BRD4: variants seen among roughly 807,000 people sequenced by gnomAD.
BRD4 encodes the protein bromodomain containing 4, also known as bromodomain-containing protein 4.
BRD4 carries 16 observed loss-of-function variants against 142.1 expected under a neutral mutation model. The observed-to-expected ratio is 0.11, with a 90% CI of 0.08 to 0.17. The LOEUF is 0.17. BRD4 is among the 10% of genes least tolerant of loss of function. BRD4 has a pLI of 1.00. For synonymous variants in BRD4, 833 were observed against 707.5 expected, an observed-to-expected ratio of 1.18 and a Z score of -2.82; for missense variants, 1,424 against 1,810.9, an observed-to-expected ratio of 0.79 and a Z score of 3.88.
At chr19:15,323,306 G>C (rs530623062) in intron 1 of BRD4, among the ~76,000 whole-genome samples, 19 of 151,728 alleles carry the variant, frequency 1.3e-4, no homozygotes, top group African/African-American at 4.4e-4. Flanking sequence ...GAGTGGTTAG[G>C]CAACGGGTCC....
At position 15,238,845 on chromosome 19, in the gene BRD4, G is replaced by A. The variant is rs375123750; in HGVS notation, c.3918C>T (p.Ala1306=). ...AGCTCTGGGCCTGTGGGGTGGCGGC[G>A]GCAGCCACCGCAGCTGCTTGCTGTT... ...QQQQQAAAVA[A]AATPQAQSSQ... is the part of the protein sequence containing the mutation. Residue 1306 remains alanine (A), a synonymous_variant, in exon 19 of 20, where the codon GCC becomes GCT. Transcript: ENST00000679869. The surrounding 1 kb of genome is among the most constrained non-coding windows in gnomAD (Gnocchi z 7.2). 29 of 1,601,978 alleles carry A rather than the reference G, an allele frequency of 1.8e-5. No individual in the cohort carries two copies. The highest frequency in any genetic ancestry group is 4.0e-5 in the African/African-American group (3 of 74,734).
At chr19:15,258,605 C>CT (rs1048918462) in intron 7 of BRD4, among the ~76,000 whole-genome samples, 13 of 151,818 alleles carry the variant, frequency 8.6e-5, no homozygotes, top group East Asian at 3.9e-4. Context: ...TTCTTTCTTT[C>CT]TTCTTCTTCT....
chr19:15,331,866 G>C (rs1363689307), intron 1 of BRD4: 10 of 142,536 alleles, frequency 7.0e-5, no homozygotes, highest in African/African-American at 2.5e-4. Context: ...ACCCCGCGGC[G>C]GCCGCTTCCT....
intron 1 of BRD4, among the ~76,000 whole-genome samples, chr19:15,297,618 T>C (rs2047834461): frequency 6.6e-6 from 1 of 152,236 alleles, no homozygotes; most frequent in Admixed American, 6.5e-5. Flanking sequence ...CTAATGGGCC[T>C]CTTTCACAGC....
Position 15,304,022 on chromosome 19 carries a change from G to T in BRD4, c.-35+28268C>A, listed in dbSNP as rs184165215. On this transcript the variant is annotated intron_variant, in intron 1 of 19. Coordinates refer to ENST00000679869, the MANE Select transcript of BRD4 (RefSeq NM_001379291.1). ...CCAAGGTAGGATGAAAGAGCTCAGGGTACAAAGAAATATCCACTCATCCGT... is the reference window on the plus strand; with the variant it reads ...CCAAGGTAGGATGAAAGAGCTCAGGTTACAAAGAAATATCCACTCATCCGT... Among the ~76,000 whole-genome samples the T allele has an allele frequency of 2.6e-5, 4 of 152,110 alleles. No individual in the cohort carries two copies. In the East Asian group the frequency reaches 7.7e-4, roughly 29 times the overall value.
At chr19:15,275,497 T>C (rs2047636617) in intron 1 of BRD4, among the ~76,000 whole-genome samples, 1 of 152,106 alleles carries the variant, frequency 6.6e-6, no homozygotes, top group South Asian at 2.1e-4. Flanking sequence ...AAGTCCTCAT[T>C]AGTGAGCTGC....
At position 15,255,288 on chromosome 19, in the gene BRD4, C is replaced by T. The variant is rs755268396; in HGVS notation, c.2047+9G>A. On this transcript the variant is annotated intron_variant, in intron 10 of 19. Transcript: ENST00000679869. ...GAAGGAACCCCATGCCCAGGGGGCC[C>T]AAGCACACCTTGAGGTTTCCTTTTC... The T allele has an allele frequency of 6.2e-7, 1 of 1,606,616 alleles. No homozygotes were observed. Among genetic ancestry groups the T allele is most frequent in the South Asian group, 1.1e-5 (1 of 90,746 alleles).
intron 1 of BRD4, among the ~76,000 whole-genome samples, chr19:15,311,798 A>G (rs777106405): frequency 1.3e-5 from 2 of 152,012 alleles, no homozygotes; most frequent in Admixed American, 6.6e-5. Flanking sequence ...ATGAAACTCC[A>G]TCTCAAACAA....
intron 1 of BRD4, among the ~76,000 whole-genome samples, chr19:15,296,202 C>T (rs2047821502): frequency 6.6e-6 from 1 of 151,764 alleles, no homozygotes; most frequent in African/African-American, 2.4e-5. Context: ...TGCAGTGAGC[C>T]AAGATCGTGC....
At chr19:15,254,313 C>CCGCT (rs773588484) in intron 10 of BRD4, 51 bp from the exon 11 acceptor site, 218 of 1,482,042 alleles carry the variant, frequency 1.5e-4, no homozygotes, top group Admixed American at 3.1e-4. Context: ...GCCCAGGAAG[C>CCGCT]CGCTCTAAGC....
At chr19:15,250,114 G>A (rs2047328902) in intron 11 of BRD4, among the ~76,000 whole-genome samples, 1 of 152,122 alleles carries the variant, frequency 6.6e-6, no homozygotes, top group African/African-American at 2.4e-5. Context: ...GCCCCTGAGT[G>A]CGGGCATGGG....
At chr19:15,240,044 G>C in intron 14 of BRD4, 22 bp from the exon 15 acceptor site, 1 of 1,596,852 alleles carries the variant, frequency 6.3e-7, no homozygotes, top group Non-Finnish European at 8.5e-7. Flanking sequence ...GACAAGGAAT[G>C]TGTCAAGGGG....
intron 1 of BRD4, among the ~76,000 whole-genome samples, chr19:15,331,407 C>A (rs751524815): frequency 1.3e-5 from 2 of 152,214 alleles, no homozygotes; most frequent in Non-Finnish European, 2.9e-5. Flanking sequence ...CACCCCAAAT[C>A]ACCACAATCA....
intron 7 of BRD4, among the ~76,000 whole-genome samples, chr19:15,261,194 T>TTAAAAAGTCTGGC (rs1199882473): frequency 1.3e-5 from 2 of 152,100 alleles, no homozygotes; most frequent in Non-Finnish European, 2.9e-5. Flanking sequence ...TGCATTGAAA[T>TTAAAAAGTCTGGC]TAAAAAGTCT....
In BRD4 at chr19:15,243,228, G is replaced by T; in HGVS notation, c.2841C>A (p.Ser947=). Residue 947 remains serine (S), a synonymous_variant, in exon 14 of 20, where the codon TCC becomes TCA. Transcript: ENST00000679869. ...KVQPPTPLLP[S]VKVQSQPPPP... Reference sequence around the variant, plus strand: ...GTGGGGGCTGGGACTGCACCTTCACGGAAGGGAGTAGCGGCGTAGGGGGCT... The same window carrying T: ...GTGGGGGCTGGGACTGCACCTTCACTGAAGGGAGTAGCGGCGTAGGGGGCT... 2 of 1,413,330 alleles carry T rather than the reference G, an allele frequency of 1.4e-6. No individual in the cohort carries two copies. The highest frequency in any genetic ancestry group is 9.4e-7 in the Non-Finnish European group (1 of 1,059,494). The allele number at this position is 1,413,330 out of a possible 1,614,324, so 87.5% of individuals were successfully genotyped here.
At chr19:15,309,418 A>C (rs1025962766) in intron 1 of BRD4, among the ~76,000 whole-genome samples, 1 of 152,150 alleles carries the variant, frequency 6.6e-6, no homozygotes, top group African/African-American at 2.4e-5. Flanking sequence ...TAAAAGACAA[A>C]CAACAATTGT....
At position 15,237,620 on chromosome 19, in the gene BRD4, TAGAAAAAAA is replaced by T. The variant is rs889484799; in HGVS notation, c.*748_*756del. ...AATAGAATTCAACAAAAAATATATA[TAGAAAAAAA>T]AGAAAAAAAAAAACGAAACAGAAAC... On this transcript the variant is annotated 3_prime_UTR_variant, in exon 20 of 20. Coordinates refer to ENST00000679869, the MANE Select transcript of BRD4 (RefSeq NM_001379291.1). 1.8e-4 allele frequency: 38 copies of T among 207,812 alleles called. No homozygotes were observed. The East Asian group carries it at 2.0e-3, about 11-fold the overall frequency. 12.9% of individuals were successfully genotyped at this position (207,812 alleles called of 1,614,324 possible).
chr19:15,307,941 C>T (rs1347604960), intron 1 of BRD4, among the ~76,000 whole-genome samples: 2 of 150,910 alleles, frequency 1.3e-5, no homozygotes, highest in African/African-American at 4.9e-5. Context: ...AAGGCAAAAC[C>T]CCAACTATAT....
intron 5 of BRD4, 56 bp downstream of exon 5, chr19:15,265,297 AG>A: frequency 7.0e-7 from 1 of 1,420,350 alleles, no homozygotes; most frequent in South Asian, 1.5e-5. Context: ...AGCACGGGCA[AG>A]GACAGGGCCG....
Sources: allele counts gnomAD v4.1 joint callset (sites outside exome capture counted in the v4.1 genomes callset), GRCh38; gene constraint gnomAD v4.1.1; non-coding constraint Gnocchi (gnomAD v3.1); transcripts MANE v1.5; gene names NCBI Gene and HGNC (gene_info 2026-07-23, HGNC 2026-07-21).